The following RDX variants were observed in gnomAD, a reference collection of about 807,000 sequenced individuals.
RDX encodes the protein deafness, autosomal recessive 24.
In RDX, 32 loss-of-function variants were observed where a neutral mutation model predicts 83.7. The ratio of observed to expected loss-of-function variants is 0.38; its 90% CI spans 0.29 to 0.51. The LOEUF is 0.51. Among genes scored for constraint, RDX ranks in the 20% least tolerant of loss-of-function variants. The probability of loss-of-function intolerance (pLI) is 0.87; values close to 1 mark genes in which losing one functional copy is unlikely to be tolerated. For synonymous variants in RDX, 229 were observed against 222.7 expected, an observed-to-expected ratio of 1.03 and a Z score of -0.25; for missense variants, 600 against 689.9, an observed-to-expected ratio of 0.87 and a Z score of 1.46.
At chr11:110,192,719 A>C (rs1201438060) in intron 15 of RDX, among the ~76,000 whole-genome samples, 2 of 152,222 alleles carry the variant, frequency 1.3e-5, no homozygotes, top group Non-Finnish European at 2.9e-5. Flanking sequence ...ATGAACAGAC[A>C]CTTCTCAAAA....
intron 3 of RDX, among the ~76,000 whole-genome samples, chr11:110,267,890 G>C (rs1860125269): frequency 6.6e-6 from 1 of 151,712 alleles, no homozygotes; most frequent in Non-Finnish European, 1.5e-5. Context: ...GGAGGTCAAG[G>C]CTGCAGTGAG....
chr11:110,177,980 TG>T (rs1472097108), intron 15 of RDX, among the ~76,000 whole-genome samples: 1 of 152,090 alleles, frequency 6.6e-6, no homozygotes, highest in Non-Finnish European at 1.5e-5. Flanking sequence ...CAGGCCAGGA[TG>T]TCTGACCATA....
intron 1 of RDX, among the ~76,000 whole-genome samples, chr11:110,293,439 TTAAAG>T (rs1861323427): frequency 6.6e-6 from 1 of 152,120 alleles, no homozygotes; most frequent in South Asian, 2.1e-4. Flanking sequence ...CACCAGGAAC[TTAAAG>T]TAGGAAAGGC....
rs1188303352 is a variant in RDX, at chr11:110,181,459, G to A, written c.*32-6225C>T. 3.3e-5 allele frequency among the ~76,000 whole-genome samples: 5 copies of A among 152,118 alleles called. No homozygotes were observed. In the East Asian group the frequency reaches 9.7e-4, roughly 30 times the overall value. ...TTGCAGGCGTGAGCCACCGCGCCTGGCCAGGGCTGCATCTTAATGCTCCTC... is the reference window on the plus strand; with the variant it reads ...TTGCAGGCGTGAGCCACCGCGCCTGACCAGGGCTGCATCTTAATGCTCCTC... On this transcript the variant is annotated intron_variant, in intron 15 of 15. Coordinates refer to the RDX transcript ENST00000528498.
intron 15 of RDX, among the ~76,000 whole-genome samples, chr11:110,194,561 G>C (rs181855425): frequency 6.6e-6 from 1 of 152,254 alleles, no homozygotes; most frequent in East Asian, 1.9e-4. Context: ...CAGGTCTTAT[G>C]ACTGAATGAT....
intron 14 of RDX, among the ~76,000 whole-genome samples, chr11:110,215,036 C>T (rs914278826): frequency 1.6e-5 from 2 of 125,782 alleles, no homozygotes; most frequent in African/African-American, 6.0e-5. Flanking sequence ...GGAGACCTAA[C>T]AAAAAAAAAA....
chr11:110,197,333 C>T (rs1267346596), intron 15 of RDX, among the ~76,000 whole-genome samples: 1 of 152,218 alleles, frequency 6.6e-6, no homozygotes. Context: ...CAGAACATCA[C>T]TCAAGAGTCC....
Position 110,282,757 on chromosome 11 carries a change from T to A in RDX, c.-64-3001A>T, listed in dbSNP as rs532258602. On this transcript the variant is annotated intron_variant, in intron 1 of 13. Transcript: ENST00000645495. ...ACTTTGGGAGGCCAACGCAGGAGGATCACTTGAGGGCAGGAGTTCAAGACC... is the reference window on the plus strand; with the variant it reads ...ACTTTGGGAGGCCAACGCAGGAGGAACACTTGAGGGCAGGAGTTCAAGACC... 2.0e-4 allele frequency among the ~76,000 whole-genome samples: 31 copies of A among 152,290 alleles called. 1 individual carries two copies. In the South Asian group the frequency reaches 5.0e-3, roughly 24 times the overall value.
downstream of RDX, among the ~76,000 whole-genome samples, chr11:110,226,066 CAAAAAA>C (rs56228784): frequency 9.0e-6 from 1 of 110,868 alleles, no homozygotes; most frequent in African/African-American, 3.7e-5. Flanking sequence ...AACTCCATCT[CAAAAAA>C]AAAAAAAAAA....
intron 2 of RDX, among the ~76,000 whole-genome samples, chr11:110,278,550 T>TA (rs1860608911): frequency 6.6e-6 from 1 of 152,246 alleles, no homozygotes; most frequent in Admixed American, 6.5e-5. Flanking sequence ...TAGTTTTATA[T>TA]AAAAAAGGCC....
At chr11:110,284,230 T>C (rs1860885489) in intron 1 of RDX, among the ~76,000 whole-genome samples, 2 of 152,180 alleles carry the variant, frequency 1.3e-5, no homozygotes, top group Admixed American at 6.5e-5. Context: ...AATGTGAAAT[T>C]CTGCTTTTGT....
At chr11:110,225,531 T>C (rs918898532), downstream of RDX, among the ~76,000 whole-genome samples, 18 of 152,088 alleles carry the variant, frequency 1.2e-4, no homozygotes, top group African/African-American at 3.9e-4. Flanking sequence ...ATTTGAGAAA[T>C]GTATCAAAGG....
intron 3 of RDX, among the ~76,000 whole-genome samples, chr11:110,266,048 T>A (rs951642561): frequency 6.6e-6 from 1 of 151,870 alleles, no homozygotes; most frequent in Admixed American, 6.6e-5. Context: ...AAGTAGGCTG[T>A]GCGCAGTGGC....
chr11:110,223,928 G>A (rs1267909504), intron 14 of RDX, among the ~76,000 whole-genome samples: 1 of 152,026 alleles, frequency 6.6e-6, no homozygotes, highest in South Asian at 2.1e-4. Context: ...AAATCAGCCA[G>A]GCATGAGAAT....
At chr11:110,268,482 G>A (rs955020774) in intron 3 of RDX, among the ~76,000 whole-genome samples, 2 of 152,148 alleles carry the variant, frequency 1.3e-5, no homozygotes, top group African/African-American at 2.4e-5. Context: ...CCCCAGCAGT[G>A]CCATAGAAAA....
rs201735644 is a variant in RDX at position 110,258,656 on chromosome 11, AATAG to A, written c.468-471_468-468del. ...TTAGATAAAAAAATGGCTCATTGTT[AATAG>A]ATAAAGACCAGACTGAAAACCAGAA... is the stretch of plus-strand genomic sequence containing the variant. On this transcript the variant is annotated intron_variant, in intron 5 of 13. Transcript: ENST00000645495. 4.7e-3 allele frequency among the ~76,000 whole-genome samples: 718 copies of A among 152,290 alleles called. 5 individuals are homozygous for A. The highest frequency in any genetic ancestry group is 0.015 in the African/African-American group (638 of 41,552).
rs1864601901 is a variant in RDX at position 110,230,754 on chromosome 11, C to T, written c.*1115G>A. 2 of 152,520 alleles carry T rather than the reference C, an allele frequency of 1.3e-5. No homozygotes were observed. Among genetic ancestry groups the T allele is most frequent in the Admixed American group, 1.3e-4 (2 of 15,270 alleles). The allele number at this position is 152,520 out of a possible 1,614,324, so 9.4% of individuals were successfully genotyped here. ...CAAAAAGGCAGTTAAAAATTTAGCA[C>T]TCTTAAGATATTCTGAAGGAAAATG... On this transcript the variant is annotated 3_prime_UTR_variant, in exon 14 of 14. Transcript: ENST00000645495.
intron 10 of RDX, among the ~76,000 whole-genome samples, chr11:110,246,811 C>T (rs1424243575): frequency 6.6e-6 from 1 of 151,380 alleles, no homozygotes; most frequent in Admixed American, 6.6e-5. Context: ...TAGGACAATG[C>T]AAACATCCCA....
intron 14 of RDX, among the ~76,000 whole-genome samples, chr11:110,209,394 C>T (rs1040147686): frequency 2.8e-3 from 429 of 151,486 alleles, no homozygotes; most frequent in African/African-American, 9.9e-3. Context: ...AACTGCAAGG[C>T]GGCAGCGAGG....
Sources: allele counts gnomAD v4.1 joint callset (sites outside exome capture counted in the v4.1 genomes callset), GRCh38; gene constraint gnomAD v4.1.1; transcripts MANE v1.5; gene names NCBI Gene and HGNC (gene_info 2026-07-23, HGNC 2026-07-21).